Variants in ZNF717 observed in about 807,000 individuals in gnomAD.
The protein encoded by ZNF717 is zinc finger protein 717, also known as krueppel-like factor X17.
ZNF717 carries 9 observed loss-of-function variants against 13.8 expected under a neutral mutation model. That is an observed-to-expected ratio of 0.65 (90% CI 0.39 to 1.14). The LOEUF is 1.14. Among genes scored for constraint, ZNF717 ranks in the 50% most tolerant of loss-of-function variants. The pLI, the probability that ZNF717 is intolerant of heterozygous loss-of-function variation, is 0.01. For synonymous variants in ZNF717, 327 were observed against 364.1 expected (o/e 0.90, Z 1.16); for missense variants, 1,040 against 1,080.7 (o/e 0.96, Z 0.53).
exon 6 of ZNF717, chr3:75,730,502 G>C: frequency 1.6e-6 from 1 of 607,654 alleles, no homozygotes; most frequent in Non-Finnish European, 2.9e-6. Context: ...ACAATATGAT[G>C]GCCAGAAGTG....
In ZNF717 at chr3:75,782,970, C is replaced by T. The variant is rs530336901; in HGVS notation, c.57+336G>A. ...ATGTTCCAGCACATAACCTATGTCA[C>T]CACCGAAGGTGGTGGTTCAGACTTG... On this transcript the variant is annotated intron_variant, in intron 2 of 4. Transcript: ENST00000652011. Among the ~76,000 whole-genome samples the T allele has an allele frequency of 7.2e-5, 11 of 152,384 alleles. No individual in the cohort carries two copies. In the South Asian group the frequency reaches 1.0e-3, roughly 14 times the overall value.
chr3:75,722,674 C>T (rs1344648907), intron 4 of ZNF717, among the ~76,000 whole-genome samples: 7 of 151,846 alleles, frequency 4.6e-5, no homozygotes, highest in African/African-American at 7.2e-5. Flanking sequence ...AATTAGCCAG[C>T]GTGGTGGTGA....
exon 6 of ZNF717, chr3:75,710,033 A>C (rs1409388590): frequency 2.8e-4 from 43 of 152,182 alleles, no homozygotes; most frequent in Non-Finnish European, 5.9e-4. Context: ...GGCTAAGTCT[A>C]CCTGGAGTTC....
At chr3:75,711,094 T>C (rs1937927818) in exon 6 of ZNF717, 1 of 152,196 alleles carries the variant, frequency 6.6e-6, no homozygotes, top group South Asian at 2.1e-4. Context: ...GATATTTCAG[T>C]CAAAGCCTTA....
At chr3:75,704,604 A>C (rs1196479104) in intron 6 of ZNF717, among the ~76,000 whole-genome samples, 1 of 152,310 alleles carries the variant, frequency 6.6e-6, no homozygotes, top group East Asian at 1.9e-4. Flanking sequence ...GGCCCTTGGG[A>C]ATACTGAGAA....
In ZNF717 at chr3:75,774,684, G is replaced by A. The variant is rs111585331; in HGVS notation, c.57+8622C>T. Among the ~76,000 whole-genome samples the A allele has an allele frequency of 3.3e-4, 43 of 131,690 alleles. No homozygotes were observed. In the East Asian group the frequency reaches 5.7e-3, roughly 18 times the overall value. The allele number at this position is 131,690 out of a possible 152,430, so 86.4% of individuals were successfully genotyped here. A position where few individuals can be genotyped will look rare whatever the true frequency, so the allele number is the denominator to read the frequency against. ...CACCCAGGCTGGAGTACAGTGGTGC[G>A]ATCTCGGCTCACTGCAAGCTCCGCC... On this transcript the variant is annotated intron_variant, in intron 2 of 4. Transcript: ENST00000652011.
chr3:75,727,193 CCT>C (rs1471486691), downstream of ZNF717, among the ~76,000 whole-genome samples: 2 of 152,222 alleles, frequency 1.3e-5, no homozygotes, highest in East Asian at 3.8e-4. Context: ...GCCTCAAGAC[CCT>C]GTGATGATTG....
intron 2 of ZNF717, among the ~76,000 whole-genome samples, chr3:75,771,681 G>A (rs180970244): frequency 5.3e-5 from 8 of 152,302 alleles, no homozygotes; most frequent in Admixed American, 4.6e-4. Context: ...GGGGCTGTGC[G>A]CTCCTCGAAG....
At chr3:75,757,268 G>A (rs2107512251) in intron 2 of ZNF717, among the ~76,000 whole-genome samples, 1 of 152,286 alleles carries the variant, frequency 6.6e-6, no homozygotes, top group East Asian at 1.9e-4. Context: ...TGGCTTTAAG[G>A]CTTCAAATGA....
At chr3:75,752,293 G>A (rs183344110) in intron 2 of ZNF717, among the ~76,000 whole-genome samples, 3 of 41,370 alleles carry the variant, frequency 7.3e-5, no homozygotes, top group Admixed American at 2.3e-4. Flanking sequence ...TCCAGAACAC[G>A]GCTACGAGGG....
At chr3:75,704,573 G>T (rs1173583915) in intron 6 of ZNF717, among the ~76,000 whole-genome samples, 28 of 152,394 alleles carry the variant, frequency 1.8e-4, no homozygotes, top group African/African-American at 6.7e-4. Flanking sequence ...TCAGATTAGA[G>T]GCCAAGCTCA....
At chr3:75,716,137 A>T (rs1307847656) in intron 5 of ZNF717, among the ~76,000 whole-genome samples, 4 of 139,774 alleles carry the variant, frequency 2.9e-5, no homozygotes, top group Non-Finnish European at 6.2e-5. Flanking sequence ...TGCCTGGCTA[A>T]TTTTTTTTTT....
In ZNF717 at chr3:75,738,965, T is replaced by C; in HGVS notation, c.658A>G (p.Thr220Ala). 1 of 1,551,584 alleles carries C rather than the reference T, an allele frequency of 6.4e-7. No individual in the cohort carries two copies. Among genetic ancestry groups the C allele is most frequent in the Non-Finnish European group, 8.7e-7 (1 of 1,146,964 alleles). Reference protein sequence around the residue: ...QCNEQGKTFNTEAMFFIHKRV... With the variant: ...QCNEQGKTFNAEAMFFIHKRV... ...TTATGTATAAAGAACATTGCCTCCG[T>C]GTTGAAGGTTTTCCCTTGTTCATTA... The change falls in exon 5 of 5, where the codon ACG (threonine) becomes GCG (alanine). Residue 220 changes from threonine to alanine, a missense_variant. Transcript: ENST00000652011.
At chr3:75,731,864 A>T (rs1320493396), downstream of ZNF717, among the ~76,000 whole-genome samples, 1 of 152,270 alleles carries the variant, frequency 6.6e-6, no homozygotes, top group East Asian at 1.9e-4. Flanking sequence ...GATTGGAGAG[A>T]TAGAGAAGTG....
intron 2 of ZNF717, among the ~76,000 whole-genome samples, chr3:75,753,311 C>G (rs796233718): frequency 1.3e-4 from 19 of 149,032 alleles, no homozygotes; most frequent in African/African-American, 4.7e-4. Flanking sequence ...GAATGTTTGT[C>G]CCTCACATAG....
intron 2 of ZNF717, among the ~76,000 whole-genome samples, chr3:75,757,395 C>T (rs1366161690): frequency 2.0e-5 from 3 of 152,236 alleles, no homozygotes; most frequent in Non-Finnish European, 2.9e-5. Flanking sequence ...ACAGCTCTGC[C>T]TGTACTCTAC....
intron 2 of ZNF717, among the ~76,000 whole-genome samples, chr3:75,757,969 T>C (rs11924603): frequency 1.4e-3 from 203 of 146,106 alleles, no homozygotes; most frequent in African/African-American, 5.0e-3. Context: ...AAAAAAAAAT[T>C]TATCTGAGCC....
intron 2 of ZNF717, among the ~76,000 whole-genome samples, chr3:75,761,566 T>C (rs1202190471): frequency 6.6e-6 from 1 of 152,150 alleles, no homozygotes; most frequent in African/African-American, 2.4e-5. Context: ...AGCATGCAAA[T>C]TGGAAAGGGA....
intron 5 of ZNF717, among the ~76,000 whole-genome samples, chr3:75,713,150 T>G (rs1402432349): frequency 2.0e-5 from 3 of 151,954 alleles, no homozygotes; most frequent in Non-Finnish European, 4.4e-5. Context: ...TAATTAAAAT[T>G]TTATTATTTT....
Sources: allele counts gnomAD v4.1 joint callset (sites outside exome capture counted in the v4.1 genomes callset), GRCh38; gene constraint gnomAD v4.1.1; transcripts MANE v1.5; gene names NCBI Gene and HGNC (gene_info 2026-07-23, HGNC 2026-07-21).